The following C20orf203 variants were observed in gnomAD, a reference collection of about 807,000 sequenced individuals.
C20orf203 encodes the protein uncharacterized protein C20orf203.
C20orf203 carries 16 observed loss-of-function variants against 15.9 expected under a neutral mutation model. The observed-to-expected ratio is 1.01, with a 90% CI of 0.68 to 1.53. C20orf203 has a LOEUF of 1.53. Ranked by LOEUF, C20orf203 falls within the 40% of genes most tolerant of loss-of-function variation. C20orf203 has a pLI of 0.00. For missense variants in C20orf203, 263 were observed against 247.5 expected, an observed-to-expected ratio of 1.06 and a Z score of -0.42; for synonymous variants, 98 against 97.2, an observed-to-expected ratio of 1.01 and a Z score of -0.05.
rs1052889049 is a variant in C20orf203 at position 32,633,077 on chromosome 20, A to G, written c.*2493T>C. ...TGGGGGAAACTGCCACCATTATTCA[A>G]TTATCTCTACTTGGTCCTGCTCTTG... On this transcript the variant is annotated 3_prime_UTR_variant, in exon 6 of 6. Coordinates refer to ENST00000608990, the MANE Select transcript of C20orf203 (RefSeq NM_182584.4). The G allele has an allele frequency of 6.0e-5, 9 of 150,692 alleles. No individual in the cohort carries two copies. The highest frequency in any genetic ancestry group is 1.9e-4 in the African/African-American group (8 of 41,046). The allele number at this position is 150,692 out of a possible 1,614,324, so 9.3% of individuals were successfully genotyped here. A position where few individuals can be genotyped will look rare whatever the true frequency, so the allele number is the denominator to read the frequency against.
At chr20:32,672,014 G>A (rs1020757718) in intron 1 of C20orf203, among the ~76,000 whole-genome samples, 6 of 151,426 alleles carry the variant, frequency 4.0e-5, no homozygotes, top group African/African-American at 7.3e-5. Flanking sequence ...ATACTGTAGC[G>A]TGCACTTAAA....
At chr20:32,641,284 G>A (rs183548155) in intron 4 of C20orf203, among the ~76,000 whole-genome samples, 89 of 145,952 alleles carry the variant, frequency 6.1e-4, no homozygotes, top group African/African-American at 2.1e-3. Context: ...GCAGTGAGCC[G>A]TGATCACGCT....
At chr20:32,637,905 T>C (rs576616522) in intron 5 of C20orf203, among the ~76,000 whole-genome samples, 1 of 151,844 alleles carries the variant, frequency 6.6e-6, no homozygotes, top group Admixed American at 6.6e-5. Flanking sequence ...TGCATGTGCC[T>C]GTGTGTGTGC....
rs1351155218 is a variant in C20orf203 at position 32,650,537 on chromosome 20, T to C, written c.480A>G (p.Thr160=). The change falls in exon 4 of 6, where the codon ACA becomes ACG. Residue 160 remains threonine, a synonymous_variant. Transcript: ENST00000608990. ...ATGGGAGGCAGAAGTCCTGGAAACA[T>C]GTTGAGGTCCAGGCCAGCGAGGACA... ...QALSSLAWTS[T]CFQDFCLPSL... 6.5e-7 allele frequency: 1 copy of C among 1,549,934 alleles called. No homozygotes were observed. The highest frequency in any genetic ancestry group is 8.7e-7 in the Non-Finnish European group (1 of 1,146,404).
At chr20:32,635,412 C>A (rs1982110996) in intron 5 of C20orf203, among the ~76,000 whole-genome samples, 1 of 148,356 alleles carries the variant, frequency 6.7e-6, no homozygotes, top group African/African-American at 2.5e-5. Context: ...GGCAGAATTG[C>A]TTGAACCCGG....
chr20:32,639,994 G>C (rs1350507805), intron 5 of C20orf203, among the ~76,000 whole-genome samples: 1 of 152,170 alleles, frequency 6.6e-6, no homozygotes, highest in East Asian at 1.9e-4. Context: ...TTCCTGTGGA[G>C]GTGGGTCCTC....
rs1982028216 is a variant in C20orf203 at position 32,632,551 on chromosome 20, C to T, written c.*3019G>A. 6.6e-6 allele frequency: 1 copy of T among 152,186 alleles called. No homozygotes were observed. Among genetic ancestry groups the T allele is most frequent in the Admixed American group, 6.5e-5 (1 of 15,278 alleles). 9.4% of individuals were successfully genotyped at this position (152,186 alleles called of 1,614,324 possible). A position where few individuals can be genotyped will look rare whatever the true frequency, so the allele number is the denominator to read the frequency against. On this transcript the variant is annotated 3_prime_UTR_variant, in exon 6 of 6. Transcript: ENST00000608990. ...CCTTGGTACTAACAGAAGCGCTCCC[C>T]ACAAAGTGCGCTGTATCTGGCCTTT...
At chr20:32,658,006 G>C (rs1358176236) in intron 1 of C20orf203, 1 of 151,786 alleles carries the variant, frequency 6.6e-6, no homozygotes, top group African/African-American at 2.4e-5. Context: ...GAAAAAGAAA[G>C]CATGCAGATT....
intron 1 of C20orf203, among the ~76,000 whole-genome samples, chr20:32,662,896 A>AAAC: frequency 6.7e-6 from 1 of 150,094 alleles, no homozygotes; most frequent in African/African-American, 2.4e-5. Flanking sequence ...AAAAAAAAAA[A>AAAC]AAAACAAGAA....
chr20:32,655,654 G>A (rs7267141), intron 1 of C20orf203, among the ~76,000 whole-genome samples: 24 of 152,218 alleles, frequency 1.6e-4, no homozygotes, highest in Admixed American at 5.2e-4. Context: ...TTAGCCCGGC[G>A]TGGTGGCAGA....
intron 1 of C20orf203, among the ~76,000 whole-genome samples, chr20:32,662,616 ATC>A (rs1982917068): frequency 6.6e-6 from 1 of 151,888 alleles, no homozygotes; most frequent in South Asian, 2.1e-4. Flanking sequence ...TAACAAACAA[ATC>A]TCTGTTAAAC....
chr20:32,663,389 T>C (rs934024681), intron 1 of C20orf203, among the ~76,000 whole-genome samples: 3 of 152,062 alleles, frequency 2.0e-5, no homozygotes, highest in African/African-American at 7.2e-5. Flanking sequence ...TAAATAACTT[T>C]AAAGAAAATG....
In C20orf203 at chr20:32,632,624, G is replaced by A. The variant is rs1389263064; in HGVS notation, c.*2946C>T. ...CAGAGCTTCTTCCACAGCAGTACAC[G>A]GGACCGCCTCGTTCTTTTTCATGCC... On this transcript the variant is annotated 3_prime_UTR_variant, in exon 6 of 6. Coordinates refer to ENST00000608990, the MANE Select transcript of C20orf203 (RefSeq NM_182584.4). 6.6e-6 allele frequency: 1 copy of A among 152,100 alleles called. No individual in the cohort carries two copies. Among genetic ancestry groups the A allele is most frequent in the Non-Finnish European group, 1.5e-5 (1 of 68,022 alleles). 9.4% of individuals were successfully genotyped at this position (152,100 alleles called of 1,614,324 possible). A position where few individuals can be genotyped will look rare whatever the true frequency, so the allele number is the denominator to read the frequency against.
At chr20:32,666,797 T>TTTTATACATATATATATATATA (rs367964394) in intron 1 of C20orf203, among the ~76,000 whole-genome samples, 26 of 65,594 alleles carry the variant, frequency 4.0e-4, no homozygotes, top group Non-Finnish European at 5.7e-4. Flanking sequence ...TAATTTTAAT[T>TTTTATACATATATATATATATA]TATATATATA....
intron 1 of C20orf203, among the ~76,000 whole-genome samples, chr20:32,666,155 T>TAAAA (rs147487671): frequency 6.8e-5 from 7 of 102,748 alleles, no homozygotes; most frequent in Non-Finnish European, 9.3e-5. Context: ...ATAAATAAAG[T>TAAAA]AAAAAAAAAA....
intron 1 of C20orf203, among the ~76,000 whole-genome samples, chr20:32,671,830 A>G (rs1414613869): frequency 3.0e-5 from 4 of 132,278 alleles, no homozygotes; most frequent in Non-Finnish European, 6.4e-5. Context: ...CAAGAGTGAA[A>G]CTCTGTCTCC....
chr20:32,637,170 G>A (rs1176057554), intron 5 of C20orf203, among the ~76,000 whole-genome samples: 1 of 152,226 alleles, frequency 6.6e-6, no homozygotes, highest in African/African-American at 2.4e-5. Context: ...AGCACTTTAG[G>A]AGAAGGGCAA....
intron 4 of C20orf203, among the ~76,000 whole-genome samples, chr20:32,648,928 C>A (rs901157426): frequency 2.6e-5 from 4 of 152,104 alleles, no homozygotes; most frequent in African/African-American, 9.7e-5. Flanking sequence ...ACTGATGAGC[C>A]GCAGGCTTTA....
Position 32,651,045 on chromosome 20 carries a change from G to C in C20orf203, c.108C>G (p.Pro36=). The C allele has an allele frequency of 6.6e-7, 1 of 1,515,500 alleles. No homozygotes were observed. The highest frequency in any genetic ancestry group is 2.2e-5 in the Admixed American group (1 of 45,402). 93.9% of individuals were successfully genotyped at this position (1,515,500 alleles called of 1,614,324 possible). ...RQWPPRLASF[P]FTKTGMLSRA... The stretch of plus-strand genomic sequence containing the variant: ...GGCTCAGCATTCCAGTTTTTGTAAA[G>C]GGAAAACTGGCCAGGCGAGGTGGCC... The change falls in exon 3 of 6, where the codon CCC becomes CCG. Residue 36 remains proline, a synonymous_variant. Coordinates refer to ENST00000608990, the MANE Select transcript of C20orf203 (RefSeq NM_182584.4).
Sources: gnomAD v4.1 joint callset for allele counts (sites outside exome capture counted in the v4.1 genomes callset) on GRCh38, gnomAD v4.1.1 for gene constraint, MANE v1.5 for transcripts, NCBI Gene and HGNC (gene_info 2026-07-23, HGNC 2026-07-21) for gene names.